The following CLSTN2 variants were observed in gnomAD, a reference collection of about 807,000 sequenced individuals.
CLSTN2 encodes calsyntenin-2.
CLSTN2 carries 48 observed loss-of-function variants against 101.2 expected under a neutral mutation model. The observed-to-expected ratio is 0.47, with a 90% confidence interval of 0.38 to 0.60. CLSTN2 has a LOEUF of 0.60. Among genes scored for constraint, CLSTN2 ranks in the 20% least tolerant of loss-of-function variants. The pLI is 0.00. For missense variants in CLSTN2, 1,160 were observed against 1,238.2 expected, an observed-to-expected ratio of 0.94 and a Z score of 0.95; for synonymous variants, 481 against 463.6, an observed-to-expected ratio of 1.04 and a Z score of -0.48.
chr3:140,171,785 A>ATATATAATATGTAT (rs1559797331), intron 1 of CLSTN2, among the ~76,000 whole-genome samples: 3 of 75,622 alleles, frequency 4.0e-5, no homozygotes, highest in African/African-American at 2.6e-4. Context: ...GTATTATATA[A>ATATATAATATGTAT]TATATAATAT....
At position 140,532,497 on chromosome 3, in the gene CLSTN2, G is replaced by C. The variant is rs1045097478; in HGVS notation, c.1507+11G>C. ...GCGCTTGTTGGCAAGGTAATCCTAAGTGAAACCCTTTTCTCTGACCTGTTT... is the reference window on the plus strand; with the variant it reads ...GCGCTTGTTGGCAAGGTAATCCTAACTGAAACCCTTTTCTCTGACCTGTTT... On this transcript the variant is annotated intron_variant, in intron 9 of 16. Coordinates refer to ENST00000458420, the MANE Select transcript of CLSTN2 (RefSeq NM_022131.3). 7 of 1,607,356 alleles carry C rather than the reference G, an allele frequency of 4.4e-6. No individual in the cohort carries two copies. Among genetic ancestry groups the C allele is most frequent in the Middle Eastern group, 1.6e-4 (1 of 6,068 alleles).
chr3:140,325,256 A>C (rs1423613829), intron 2 of CLSTN2, among the ~76,000 whole-genome samples: 1 of 152,196 alleles, frequency 6.6e-6, no homozygotes, highest in Non-Finnish European at 1.5e-5. Context: ...TAGATCAGAA[A>C]GCATAAAATG....
intron 2 of CLSTN2, among the ~76,000 whole-genome samples, chr3:140,249,893 AG>A (rs2086547911): frequency 6.6e-6 from 1 of 152,166 alleles, no homozygotes; most frequent in Non-Finnish European, 1.5e-5. Context: ...CTCACTCCGC[AG>A]GGCAACAGCT....
intron 2 of CLSTN2, among the ~76,000 whole-genome samples, chr3:140,314,016 G>A (rs1190761199): frequency 6.6e-6 from 1 of 152,190 alleles, no homozygotes; most frequent in Non-Finnish European, 1.5e-5. Context: ...AGGAAATGAT[G>A]TGCTTTGTGT....
intron 8 of CLSTN2, among the ~76,000 whole-genome samples, chr3:140,513,261 T>C (rs1934848858): frequency 6.6e-6 from 1 of 152,214 alleles, no homozygotes; most frequent in Non-Finnish European, 1.5e-5. Flanking sequence ...AGATGGCTCT[T>C]AGTATTTTTA....
Position 140,301,902 on chromosome 3 carries a change from A to ATT in CLSTN2, c.233-101715_233-101714dup, listed in dbSNP as rs11459920. ...TAGAATTTCCTCAAACCATTATAGT[A>ATT]TTTTTTTTTTTTTGGAAAAGAGTCT... On this transcript the variant is annotated intron_variant, in intron 2 of 16. Transcript: ENST00000458420. Among the ~76,000 whole-genome samples, 68 of 146,656 alleles carry ATT rather than the reference A, an allele frequency of 4.6e-4. No homozygotes were observed. In the South Asian group the frequency reaches 0.011, roughly 23 times the overall value.
At chr3:140,287,152 GC>G (rs1269726869) in intron 2 of CLSTN2, among the ~76,000 whole-genome samples, 1 of 152,136 alleles carries the variant, frequency 6.6e-6, no homozygotes, top group Admixed American at 6.5e-5. Context: ...CTTAAGGGAT[GC>G]CTGAATAACT....
chr3:140,080,506 G>C (rs2008578102), intron 1 of CLSTN2, among the ~76,000 whole-genome samples: 1 of 152,116 alleles, frequency 6.6e-6, no homozygotes, highest in Non-Finnish European at 1.5e-5. Context: ...TCCTGTTTGG[G>C]TTCATATTTA....
chr3:140,184,081 G>A (rs527291524), intron 2 of CLSTN2, among the ~76,000 whole-genome samples: 27 of 152,268 alleles, frequency 1.8e-4, no homozygotes, highest in African/African-American at 5.1e-4. Context: ...TGTCTCCACC[G>A]GCTGTTAATG....
At chr3:140,158,084 C>T (rs181541930) in intron 1 of CLSTN2, among the ~76,000 whole-genome samples, 99 of 152,242 alleles carry the variant, frequency 6.5e-4, no homozygotes, top group Non-Finnish European at 9.7e-4. Flanking sequence ...CTATGACAAA[C>T]CCACAACCAA....
intron 10 of CLSTN2, among the ~76,000 whole-genome samples, chr3:140,553,754 C>T (rs1382508253): frequency 2.0e-5 from 3 of 152,184 alleles, no homozygotes; most frequent in South Asian, 2.1e-4. Context: ...CCACACCTCC[C>T]TTCCTCTCCT....
intron 1 of CLSTN2, among the ~76,000 whole-genome samples, chr3:140,171,326 A>G (rs1007275569): frequency 3.8e-4 from 58 of 152,060 alleles, no homozygotes; most frequent in African/African-American, 1.4e-3. Context: ...AATGGGTTTC[A>G]GGGGCCAAGA....
chr3:139,954,960 A>T (rs1470749854), intron 1 of CLSTN2, among the ~76,000 whole-genome samples: 2 of 151,708 alleles, frequency 1.3e-5, no homozygotes, highest in Non-Finnish European at 2.9e-5. Context: ...GCTTAAATGG[A>T]TGGGATTTAG....
At position 140,434,992 on chromosome 3, in the gene CLSTN2, T is replaced by G. The variant is rs369477688; in HGVS notation, c.788-13527T>G. Among the ~76,000 whole-genome samples the G allele has an allele frequency of 3.3e-5, 5 of 152,218 alleles. No individual in the cohort carries two copies. The South Asian group carries it at 8.3e-4, about 25-fold the overall frequency. ...TTCATGAGATGTTTTGATACAGGAATGCAAACTGAAATGAGCATATCATGG... is the reference window on the plus strand; with the variant it reads ...TTCATGAGATGTTTTGATACAGGAAGGCAAACTGAAATGAGCATATCATGG... On this transcript the variant is annotated intron_variant, in intron 5 of 16. Coordinates refer to ENST00000458420, the MANE Select transcript of CLSTN2 (RefSeq NM_022131.3).
chr3:140,489,883 G>A (rs557235792), intron 8 of CLSTN2, among the ~76,000 whole-genome samples: 1 of 151,090 alleles, frequency 6.6e-6, no homozygotes, highest in Admixed American at 6.6e-5. Flanking sequence ...TGAATCAAGT[G>A]TGCATTCTTT....
chr3:140,108,346 C>A (rs2009097473), intron 1 of CLSTN2, among the ~76,000 whole-genome samples: 1 of 152,176 alleles, frequency 6.6e-6, no homozygotes, highest in African/African-American at 2.4e-5. Context: ...GTCAAAGTCT[C>A]CATTACACTT....
chr3:140,223,755 A>T (rs909781528), intron 2 of CLSTN2, among the ~76,000 whole-genome samples: 1 of 152,140 alleles, frequency 6.6e-6, no homozygotes, highest in Non-Finnish European at 1.5e-5. Context: ...TGCTTTGAAG[A>T]CCTTCATACT....
chr3:139,962,321 T>A (rs1322970643), intron 1 of CLSTN2, among the ~76,000 whole-genome samples: 4 of 152,312 alleles, frequency 2.6e-5, no homozygotes, highest in African/African-American at 9.6e-5. Context: ...GTATATGATC[T>A]GATAACTTTT....
intron 1 of CLSTN2, among the ~76,000 whole-genome samples, chr3:140,120,472 A>G (rs768408234): frequency 4.6e-5 from 7 of 152,108 alleles, no homozygotes; most frequent in Non-Finnish European, 1.0e-4. Context: ...TTCAGTTTTT[A>G]TGAAGGCTTC....
Sources: gnomAD v4.1 joint callset for allele counts (sites outside exome capture counted in the v4.1 genomes callset) on GRCh38, gnomAD v4.1.1 for gene constraint, MANE v1.5 for transcripts, NCBI Gene and HGNC (gene_info 2026-07-23, HGNC 2026-07-21) for gene names.